BTBD8: variants seen among roughly 807,000 people sequenced by gnomAD.
The protein encoded by BTBD8 is BTB domain containing 8, also known as BTB/POZ domain-containing protein 8.
In BTBD8, 110 loss-of-function variants were observed where a neutral mutation model predicts 162.9. The observed-to-expected ratio is 0.68, with a 90% confidence interval of 0.58 to 0.79. The LOEUF (loss-of-function observed/expected upper bound fraction) is 0.79, where lower values mean the gene tolerates loss of function less well. Among genes scored for constraint, BTBD8 ranks in the 30% least tolerant of loss-of-function variants. The probability of loss-of-function intolerance (pLI) is 0.00; values close to 1 mark genes in which losing one functional copy is unlikely to be tolerated. For synonymous variants in BTBD8, 667 were observed against 716.1 expected (o/e 0.93, Z 1.10); for missense variants, 1,905 against 2,085.4 (o/e 0.91, Z 1.68).
Position 92,088,891 on chromosome 1 carries a change from T to G in BTBD8, c.343T>G (p.Leu115Val). 6.2e-7 allele frequency: 1 copy of G among 1,606,082 alleles called. No homozygotes were observed. Among genetic ancestry groups the G allele is most frequent in the Non-Finnish European group, 8.5e-7 (1 of 1,175,684 alleles). Reference protein sequence around the residue: ...NVEALEFRTFLQIIYSSNRNI... With the variant: ...NVEALEFRTFVQIIYSSNRNI... ...TGAAGCTTTAGAATTTAGAACGTTT[T>G]TACAGTAAGTGCTTTCTTTATCCAT... The change falls in exon 2 of 18, where the codon TTA becomes GTA. Residue 115 changes from leucine to valine, a missense_variant. Around this residue, in one of 3 missense-constraint regions of BTBD8, gnomAD observed 1,374 missense variants for 1,442.7 expected, o/e 0.95. Coordinates refer to ENST00000636805, the MANE Select transcript of BTBD8 (RefSeq NM_001376131.1).
At chr1:92,163,354 CAAAAAAAA>C (rs34760395) in intron 9 of BTBD8, among the ~76,000 whole-genome samples, 4 of 20,400 alleles carry the variant, frequency 2.0e-4, no homozygotes, top group Non-Finnish European at 3.4e-4. Context: ...GATTCTGTCT[CAAAAAAAA>C]AAAAAAAAAA....
Position 92,080,643 on chromosome 1 carries a change from G to A in BTBD8, c.72G>A (p.Gly24=). 1 of 1,613,916 alleles carries A rather than the reference G, an allele frequency of 6.2e-7. No individual in the cohort carries two copies. Among genetic ancestry groups the A allele is most frequent in the Non-Finnish European group, 8.5e-7 (1 of 1,179,884 alleles). ...LLGSAGVCSK[G]LQRKGPCERR... ...GGTCCGCTGGAGTTTGCAGTAAGGGGTTGCAAAGGAAGGGGCCGTGTGAGC... is the reference window on the plus strand; with the variant it reads ...GGTCCGCTGGAGTTTGCAGTAAGGGATTGCAAAGGAAGGGGCCGTGTGAGC... The change falls in exon 1 of 18, where the codon GGG becomes GGA. Residue 24 remains glycine (G), a synonymous_variant. Transcript: ENST00000636805.
At position 92,180,730 on chromosome 1, in the gene BTBD8, T is replaced by G; in HGVS notation, c.3047T>G (p.Leu1016Ter). ...TGCAGGCCTGACCCACAAAAGCCAT[T>G]AAACGATCAAGAAAAAGAGAAGTTG... ...SSCRPDPQKP[L>*]NDQEKEKLAL... The change falls in exon 17 of 18, where the codon TTA becomes TGA. Residue 1016 changes from leucine (L) to a stop codon, truncating the protein, a stop_gained. Transcript: ENST00000636805. LOFTEE classifies it high-confidence loss of function. 1 of 1,551,626 alleles carries G rather than the reference T, an allele frequency of 6.4e-7. No homozygotes were observed. The highest frequency in any genetic ancestry group is 8.7e-7 in the Non-Finnish European group (1 of 1,146,980).
chr1:92,140,358 A>T (rs189648657), intron 6 of BTBD8, among the ~76,000 whole-genome samples: 128 of 152,246 alleles, frequency 8.4e-4, no homozygotes, highest in African/African-American at 3.1e-3. Context: ...CTGAAATCCT[A>T]CTTGGGAGTG....
At chr1:92,177,941 C>A in intron 15 of BTBD8, 43 bp downstream of exon 15, 3 of 996,914 alleles carry the variant, frequency 3.0e-6, no homozygotes, top group African/African-American at 1.6e-5. Flanking sequence ...TTAGCTTTCT[C>A]TCAAAGTTAA....
rs139959713 is a variant in BTBD8, at chr1:92,120,774, T to G, written c.663-8913T>G. On this transcript the variant is annotated intron_variant, in intron 4 of 17. Coordinates refer to ENST00000636805, the MANE Select transcript of BTBD8 (RefSeq NM_001376131.1). ...TTATGTAGCACATGACTGTAAATTT[T>G]GGAATCACCTTGTCAGTATTTACAA... 1.8e-3 allele frequency among the ~76,000 whole-genome samples: 267 copies of G among 152,336 alleles called. 3 individuals are homozygous for G. The highest frequency in any genetic ancestry group is 5.9e-3 in the African/African-American group (244 of 41,584).
At chr1:92,149,030 C>T (rs370846571) in intron 9 of BTBD8, among the ~76,000 whole-genome samples, 1 of 152,048 alleles carries the variant, frequency 6.6e-6, no homozygotes, top group Non-Finnish European at 1.5e-5. Flanking sequence ...AGATAAGAAA[C>T]TATGAACAGT....
chr1:92,126,181 G>C, intron 4 of BTBD8: 1 of 512,814 alleles, frequency 2.0e-6, no homozygotes, highest in East Asian at 4.8e-5. Flanking sequence ...GTGGTGCAGG[G>C]AGAACCAGGG....
chr1:92,116,606 G>C (rs11166189), intron 4 of BTBD8, among the ~76,000 whole-genome samples: 6,410 of 151,956 alleles, frequency 0.042, 572 homozygotes, highest in African/African-American at 0.15. Context: ...AATGTCACTT[G>C]TTGTGAAGTT....
Position 92,183,951 on chromosome 1 carries a change from A to G in BTBD8, c.5000A>G (p.Asp1667Gly). The G allele has an allele frequency of 6.4e-7, 1 of 1,551,618 alleles. No homozygotes were observed. ...ACCCTGTCTCCAATATATGAGATGG[A>G]TGTAATAGAAGCATTTGAGCAGAAA... ...SKTLSPIYEM[D>G]VIEAFEQKVE... The change falls in exon 18 of 18, where the codon GAT (aspartate) becomes GGT (glycine). Residue 1667 changes from aspartate to glycine, a missense_variant. Physicochemically the swap from Asp to Gly is moderately conservative, Grantham distance 94. This residue lies in a region of BTBD8 where 517 missense variants were observed against 606.6 expected (regional missense o/e 0.85). Transcript: ENST00000636805.
rs1342604777 is a variant in BTBD8 at position 92,181,463 on chromosome 1, T to C, written c.3780T>C (p.Asp1260=). The change falls in exon 17 of 18, where the codon GAT becomes GAC. Residue 1260 remains aspartate (D), a synonymous_variant. Coordinates refer to ENST00000636805, the MANE Select transcript of BTBD8 (RefSeq NM_001376131.1). ...SDTGSATTSS[D]DIKPRSEDYD... ...CTGGCAGTGCTACCACCTCCTCCGA[T>C]GACATAAAGCCCAGATCTGAAGACT... 5.2e-6 allele frequency: 8 copies of C among 1,551,706 alleles called. No individual in the cohort carries two copies. The highest frequency in any genetic ancestry group is 2.4e-5 in the East Asian group (1 of 40,920).
At position 92,129,680 on chromosome 1, in the gene BTBD8, C is replaced by T; in HGVS notation, c.663-7C>T. Reference sequence around the variant, plus strand: ...TTACCTGTGTTTCTCCCCCCTCTTCCCTTTAGGGCCATTTTGAGTGCCAGA... The same window carrying T: ...TTACCTGTGTTTCTCCCCCCTCTTCTCTTTAGGGCCATTTTGAGTGCCAGA... On this transcript the variant is annotated splice_polypyrimidine_tract_variant and splice_region_variant and intron_variant, in intron 4 of 17. Coordinates refer to ENST00000636805, the MANE Select transcript of BTBD8 (RefSeq NM_001376131.1). 6.2e-7 allele frequency: 1 copy of T among 1,611,254 alleles called. No individual in the cohort carries two copies. The highest frequency in any genetic ancestry group is 8.5e-7 in the Non-Finnish European group (1 of 1,177,536).
At chr1:92,166,880 AAAGT>A (rs1251711617) in intron 9 of BTBD8, 74 bp from the exon 10 acceptor site, 1 of 1,391,574 alleles carries the variant, frequency 7.2e-7, no homozygotes. Context: ...CATAACAACA[AAAGT>A]ATTTGATTTG....
chr1:92,121,460 T>A (rs547405823), intron 4 of BTBD8, among the ~76,000 whole-genome samples: 5 of 152,340 alleles, frequency 3.3e-5, no homozygotes, highest in South Asian at 2.1e-4. Context: ...TGATTTTTTT[T>A]AAAACTTATG....
chr1:92,105,466 T>C (rs1407880537), intron 3 of BTBD8, among the ~76,000 whole-genome samples: 2 of 150,876 alleles, frequency 1.3e-5, no homozygotes, highest in Non-Finnish European at 2.9e-5. Context: ...TTGCCCAGGC[T>C]GGTCTTGAAC....
At chr1:92,145,152 T>C (rs763479126) in intron 7 of BTBD8, among the ~76,000 whole-genome samples, 4 of 152,028 alleles carry the variant, frequency 2.6e-5, no homozygotes, top group Admixed American at 6.6e-5. Flanking sequence ...TTAGTAGAAA[T>C]GGGGTTTTGC....
chr1:92,169,473 G>T lies in BTBD8; in HGVS notation c.1573+478G>T, dbSNP rs370661473. The stretch of plus-strand genomic sequence containing the variant: ...CAATGATGTGGAGTGTGCTATTGCG[G>T]ACTGTCCCTCAGGAGCTGCACAGTG... On this transcript the variant is annotated intron_variant, in intron 12 of 17. Transcript: ENST00000636805. Among the ~76,000 whole-genome samples the T allele has an allele frequency of 7.1e-4, 108 of 152,218 alleles. 1 individual carries two copies. The South Asian group carries it at 0.016, about 23-fold the overall frequency.
At chr1:92,152,310 T>C (rs1380777339) in intron 9 of BTBD8, among the ~76,000 whole-genome samples, 1 of 152,190 alleles carries the variant, frequency 6.6e-6, no homozygotes, top group Non-Finnish European at 1.5e-5. Context: ...ATCTTTACCA[T>C]TGTAGCCTCA....
At chr1:92,137,917 C>T (rs943282596) in intron 5 of BTBD8, among the ~76,000 whole-genome samples, 17 of 152,278 alleles carry the variant, frequency 1.1e-4, no homozygotes, top group African/African-American at 3.6e-4. Context: ...AGCCTACACA[C>T]AGACTGTTGT....
Sources: allele counts gnomAD v4.1 joint callset (sites outside exome capture counted in the v4.1 genomes callset), GRCh38; gene constraint gnomAD v4.1.1; regional missense constraint gnomAD v4.1.1; transcripts MANE v1.5; gene names NCBI Gene and HGNC (gene_info 2026-07-23, HGNC 2026-07-21).